Variants in STAG1 observed in about 807,000 individuals in gnomAD.
STAG1 encodes the protein STAG1 cohesin complex component, also known as cohesin subunit SA-1.
A neutral mutation model predicts 170.9 loss-of-function variants in STAG1; 26 were observed. That is an observed-to-expected ratio of 0.15 (90% CI 0.11 to 0.21). The LOEUF is 0.21. Among genes scored for constraint, STAG1 ranks in the 10% least tolerant of loss-of-function variants. STAG1 has a pLI of 1.00. For synonymous variants in STAG1, 514 were observed against 497.7 expected (o/e 1.03, Z -0.44); for missense variants, 964 against 1,509.5 (o/e 0.64, Z 5.99).
At chr3:136,635,194 A>G (rs1398870511) in intron 1 of STAG1, among the ~76,000 whole-genome samples, 4 of 152,212 alleles carry the variant, frequency 2.6e-5, no homozygotes, top group African/African-American at 4.8e-5. Flanking sequence ...AATATCTCTA[A>G]TAAACATATA....
chr3:136,509,984 C>T (rs549036102), intron 7 of STAG1, among the ~76,000 whole-genome samples: 7 of 152,024 alleles, frequency 4.6e-5, no homozygotes, highest in Non-Finnish European at 7.4e-5. Flanking sequence ...TAAAAGGGAT[C>T]TTATGACAAA....
chr3:136,488,093 T>C (rs1306466615), intron 9 of STAG1, among the ~76,000 whole-genome samples: 1 of 152,198 alleles, frequency 6.6e-6, no homozygotes, highest in African/African-American at 2.4e-5. Context: ...ACTCCCAAAT[T>C]CCTGACCCAT....
chr3:136,519,711 A>G (rs927657605), intron 7 of STAG1, among the ~76,000 whole-genome samples: 9 of 152,090 alleles, frequency 5.9e-5, no homozygotes, highest in African/African-American at 1.9e-4. Context: ...AAAAAAGTCT[A>G]ACATTATATA....
At chr3:136,717,596 G>A (rs1435186882) in intron 1 of STAG1, among the ~76,000 whole-genome samples, 2 of 152,100 alleles carry the variant, frequency 1.3e-5, no homozygotes, top group Admixed American at 6.6e-5. Context: ...CCCAGGAGGT[G>A]GAGGGTGCAG....
At chr3:136,469,203 G>A (rs1223171689) in intron 12 of STAG1, among the ~76,000 whole-genome samples, 1 of 152,120 alleles carries the variant, frequency 6.6e-6, no homozygotes, top group Non-Finnish European at 1.5e-5. Context: ...AATTGTCCCT[G>A]TTTGCAGACA....
At chr3:136,626,312 G>A (rs1030825373) in intron 2 of STAG1, among the ~76,000 whole-genome samples, 27 of 150,776 alleles carry the variant, frequency 1.8e-4, no homozygotes, top group African/African-American at 6.6e-4. Flanking sequence ...TATAGTCCCA[G>A]CTACTTGGGA....
intron 6 of STAG1, among the ~76,000 whole-genome samples, chr3:136,538,413 C>CTTTTTTTT (rs772305467): frequency 4.3e-5 from 6 of 139,058 alleles, no homozygotes; most frequent in Non-Finnish European, 3.1e-5. Context: ...CATATAGTTA[C>CTTTTTTTT]TTTTTTTTTT....
At chr3:136,454,933 T>C (rs1385047238) in intron 13 of STAG1, among the ~76,000 whole-genome samples, 1 of 152,154 alleles carries the variant, frequency 6.6e-6, no homozygotes, top group East Asian at 1.9e-4. Context: ...GGATACACCA[T>C]AGCTTATTTA....
At chr3:136,709,433 T>C (rs934802343) in intron 1 of STAG1, among the ~76,000 whole-genome samples, 6 of 152,050 alleles carry the variant, frequency 3.9e-5, no homozygotes, top group South Asian at 2.1e-4. Context: ...TTCTGAGTTT[T>C]GGTGAATTTT....
intron 9 of STAG1, among the ~76,000 whole-genome samples, chr3:136,481,997 T>C (rs2089918559): frequency 1.9e-5 from 1 of 53,074 alleles, no homozygotes; most frequent in Non-Finnish European, 4.0e-5. Flanking sequence ...GCTAGCGGTC[T>C]ATCAATTTTG....
At chr3:136,680,638 T>A (rs910097987) in intron 1 of STAG1, among the ~76,000 whole-genome samples, 14 of 151,894 alleles carry the variant, frequency 9.2e-5, no homozygotes, top group African/African-American at 3.4e-4. Context: ...AAATAAAATA[T>A]TTTTAATTTT....
chr3:136,357,974 AAAT>A (rs1441120944), intron 27 of STAG1, 126 bp from the exon 28 acceptor site: 5 of 752,790 alleles, frequency 6.6e-6, no homozygotes, highest in Non-Finnish European at 1.1e-5. Flanking sequence ...TGATAAATTC[AAAT>A]AATAAACTAA....
At chr3:136,388,708 TCATTTAA>T (rs1489570230) in intron 22 of STAG1, among the ~76,000 whole-genome samples, 1 of 151,998 alleles carries the variant, frequency 6.6e-6, no homozygotes, top group Non-Finnish European at 1.5e-5. Context: ...CAACAAGAAG[TCATTTAA>T]CAAACAACTA....
At chr3:136,692,709 C>G (rs1301296627) in intron 1 of STAG1, among the ~76,000 whole-genome samples, 1 of 152,012 alleles carries the variant, frequency 6.6e-6, no homozygotes, top group Non-Finnish European at 1.5e-5. Context: ...AAACAAATCT[C>G]TACCCTCAAC....
At chr3:136,498,545 T>G (rs955669416) in intron 9 of STAG1, among the ~76,000 whole-genome samples, 2 of 151,728 alleles carry the variant, frequency 1.3e-5, no homozygotes, top group African/African-American at 4.8e-5. Context: ...ATGAGAAAAC[T>G]TGGCACTTGA....
In STAG1 at chr3:136,367,066, ATCT is replaced by A. The variant is rs1457559016; in HGVS notation, c.2559_2561del (p.Glu853del). 6.2e-7 allele frequency: 1 copy of A among 1,610,138 alleles called. No homozygotes were observed. The highest frequency in any genetic ancestry group is 8.5e-7 in the Non-Finnish European group (1 of 1,177,528). On this transcript the variant is annotated inframe_deletion, in exon 25 of 34. Transcript: ENST00000383202. ...GTAAGGCCTCAATTTTATTAGCTTC[ATCT>A]TCTTCATCACCCTCTAAACACAGAT...
chr3:136,737,277 T>C lies in STAG1; in HGVS notation c.-84+14918A>G, dbSNP rs1477265220. ...ACCCCCATGCCCAGTTAATTTTTTG[T>C]ATTCTTAGTAGAGATGGGGTTTCAC... On this transcript the variant is annotated intron_variant, in intron 1 of 33. Transcript: ENST00000383202. 9.8e-6 allele frequency: 5 copies of C among 507,834 alleles called. No homozygotes were observed. The Admixed American group carries it at 1.1e-4, about 11-fold the overall frequency. 31.5% of individuals were successfully genotyped at this position (507,834 alleles called of 1,614,324 possible).
intron 1 of STAG1, among the ~76,000 whole-genome samples, chr3:136,636,548 C>G (rs899172061): frequency 1.3e-5 from 2 of 152,018 alleles, no homozygotes; most frequent in Non-Finnish European, 2.9e-5. Flanking sequence ...TGAATATACA[C>G]TAAGTCTTAA....
At chr3:136,622,149 A>AG (rs1166011228) in intron 3 of STAG1, among the ~76,000 whole-genome samples, 5 of 150,308 alleles carry the variant, frequency 3.3e-5, no homozygotes, top group African/African-American at 2.4e-5. Context: ...AAAAAAAAAA[A>AG]AAAAAAAAAG....
Sources: gnomAD v4.1 joint callset for allele counts (sites outside exome capture counted in the v4.1 genomes callset) on GRCh38, gnomAD v4.1.1 for gene constraint, MANE v1.5 for transcripts, NCBI Gene and HGNC (gene_info 2026-07-23, HGNC 2026-07-21) for gene names.